Variants in CTDSPL2 observed in about 807,000 individuals in gnomAD.
CTDSPL2 encodes the protein CTD small phosphatase like 2.
A neutral mutation model predicts 60.0 loss-of-function variants in CTDSPL2; 5 were observed. That is an observed-to-expected ratio of 0.08 (90% confidence interval 0.04 to 0.18). CTDSPL2 has a LOEUF of 0.18. Ranked by LOEUF, CTDSPL2 falls within the 10% of genes least tolerant of loss-of-function variation. The probability of loss-of-function intolerance (pLI) is 1.00; values close to 1 mark genes in which losing one functional copy is unlikely to be tolerated. For missense variants in CTDSPL2, 370 were observed against 548.8 expected (o/e 0.67, Z 3.26); for synonymous variants, 186 against 189.3 (o/e 0.98, Z 0.14).
At position 44,486,646 on chromosome 15, in the gene CTDSPL2, T is replaced by C. The variant is rs2081123545; in HGVS notation, c.421T>C (p.Leu141=). ...SSGSPPRTTL[L]GTIFSPVFNF... ...TGGCAGTCCTCCAAGGACTACTTTG[T>C]TGGGGACCATATTTTCACCTGTCTT... Residue 141 remains leucine, a synonymous_variant, in exon 4 of 13, where the codon TTG becomes CTG. Coordinates refer to ENST00000260327, the MANE Select transcript of CTDSPL2 (RefSeq NM_016396.3). 6.3e-7 allele frequency: 1 copy of C among 1,597,474 alleles called. No individual in the cohort carries two copies. Among genetic ancestry groups the C allele is most frequent in the Middle Eastern group, 1.6e-4 (1 of 6,062 alleles).
At chr15:44,458,508 AATTC>A (rs1259353973) in intron 1 of CTDSPL2, among the ~76,000 whole-genome samples, 5 of 152,184 alleles carry the variant, frequency 3.3e-5, no homozygotes, top group African/African-American at 4.8e-5. Flanking sequence ...GTGCTCATGG[AATTC>A]ATTCATTCAT....
chr15:44,461,573 CTTTT>C (rs35540014), intron 2 of CTDSPL2, among the ~76,000 whole-genome samples: 17 of 125,660 alleles, frequency 1.4e-4, no homozygotes, highest in South Asian at 5.2e-4. Context: ...GTTTCTCTCC[CTTTT>C]TTTTTTTTTT....
At chr15:44,503,758 C>G (rs2081415264) in intron 8 of CTDSPL2, 1 of 152,220 alleles carries the variant, frequency 6.6e-6, no homozygotes, top group Admixed American at 6.5e-5. Flanking sequence ...ATTTTTGACT[C>G]TGTTCACCAA....
intron 1 of CTDSPL2, chr15:44,448,917 C>T: frequency 2.4e-6 from 1 of 416,874 alleles, no homozygotes. Context: ...CTTCAGTGGA[C>T]TGTTCAAAAG....
intron 7 of CTDSPL2, among the ~76,000 whole-genome samples, chr15:44,498,166 G>T (rs1010513191): frequency 6.6e-5 from 10 of 152,204 alleles, no homozygotes; most frequent in Non-Finnish European, 1.2e-4. Flanking sequence ...GTAAAGTGAA[G>T]CCCTGGGATT....
At chr15:44,484,004 A>C (rs956868522) in intron 2 of CTDSPL2, among the ~76,000 whole-genome samples, 3 of 152,234 alleles carry the variant, frequency 2.0e-5, no homozygotes, top group African/African-American at 7.2e-5. Flanking sequence ...TCTGAATTGT[A>C]GGGATGCTGT....
chr15:44,465,394 G>A (rs2080665092), intron 2 of CTDSPL2, among the ~76,000 whole-genome samples: 1 of 152,002 alleles, frequency 6.6e-6, no homozygotes. Context: ...TACAGTTAAG[G>A]ATCATAAATT....
chr15:44,497,532 A>AT (rs1737991219), intron 7 of CTDSPL2, among the ~76,000 whole-genome samples: 2 of 151,892 alleles, frequency 1.3e-5, no homozygotes, highest in Admixed American at 1.3e-4. Flanking sequence ...TGCCCGGCTA[A>AT]TTTTTTGTTG....
At chr15:44,474,821 A>G (rs892931649) in intron 2 of CTDSPL2, among the ~76,000 whole-genome samples, 1 of 152,110 alleles carries the variant, frequency 6.6e-6, no homozygotes, top group South Asian at 2.1e-4. Flanking sequence ...ACTCCATTGC[A>G]CTCTAGCCTG....
chr15:44,476,809 G>GTGA (rs1445573646), intron 2 of CTDSPL2, among the ~76,000 whole-genome samples: 1 of 152,150 alleles, frequency 6.6e-6, no homozygotes, highest in Non-Finnish European at 1.5e-5. Flanking sequence ...CAGTTGTTAT[G>GTGA]TGATGCATTA....
intron 1 of CTDSPL2, among the ~76,000 whole-genome samples, chr15:44,437,471 G>A (rs1471641701): frequency 6.6e-6 from 1 of 152,126 alleles, no homozygotes; most frequent in Admixed American, 6.5e-5. Context: ...AAAATTGCTT[G>A]GTATCATGGA....
At chr15:44,521,795 G>C (rs1007869334) in intron 12 of CTDSPL2, among the ~76,000 whole-genome samples, 1 of 150,922 alleles carries the variant, frequency 6.6e-6, no homozygotes, top group Non-Finnish European at 1.5e-5. Context: ...AAAATTAGCC[G>C]GGCGTGGTAG....
Position 44,496,600 on chromosome 15 carries a change from G to A in CTDSPL2, c.770+142G>A, listed in dbSNP as rs530191431. 2.2e-5 allele frequency: 14 copies of A among 650,716 alleles called. 1 individual carries two copies. Among genetic ancestry groups the A allele is most frequent in the South Asian group, 7.6e-5 (4 of 52,364 alleles). The allele number at this position is 650,716 out of a possible 1,614,324, so 40.3% of individuals were successfully genotyped here. ...GAAACTTTTAATGGGGCTGGGTGCA[G>A]TGGCTCATCCCAGCACTTTGAGAGA... On this transcript the variant is annotated intron_variant, in intron 6 of 12. Transcript: ENST00000260327.
chr15:44,523,870 G>A (rs112914831), intron 12 of CTDSPL2, among the ~76,000 whole-genome samples: 44 of 152,262 alleles, frequency 2.9e-4, no homozygotes, highest in African/African-American at 9.9e-4. Flanking sequence ...TTGCACTCCA[G>A]CCTGAGCAAC....
At chr15:44,478,793 C>T (rs562968898) in intron 2 of CTDSPL2, among the ~76,000 whole-genome samples, 2 of 152,060 alleles carry the variant, frequency 1.3e-5, no homozygotes, top group East Asian at 1.9e-4. Flanking sequence ...ACCAGCCTGA[C>T]CAACATGGTG....
chr15:44,479,237 G>A lies in CTDSPL2; in HGVS notation c.187-4987G>A, dbSNP rs573949626. Among the ~76,000 whole-genome samples, 4 of 151,840 alleles carry A rather than the reference G, an allele frequency of 2.6e-5. No individual in the cohort carries two copies. In the South Asian group the frequency reaches 6.2e-4, roughly 24 times the overall value. ...CCCTGGCTCTCAAAAGAACAAAATTGTTCATTTTACCCTCTTTCTTATAAG... is the reference window on the plus strand; with the variant it reads ...CCCTGGCTCTCAAAAGAACAAAATTATTCATTTTACCCTCTTTCTTATAAG... On this transcript the variant is annotated intron_variant, in intron 2 of 12. Transcript: ENST00000260327.
chr15:44,509,034 CTA>C (rs1350035988), intron 8 of CTDSPL2, among the ~76,000 whole-genome samples: 1 of 151,992 alleles, frequency 6.6e-6, no homozygotes, highest in South Asian at 2.1e-4. Context: ...TTAAAATTAT[CTA>C]TGATATTAGA....
Position 44,496,609 on chromosome 15 carries a change from C to T in CTDSPL2, c.770+151C>T. On this transcript the variant is annotated intron_variant, in intron 6 of 12. Transcript: ENST00000260327. The stretch of plus-strand genomic sequence containing the variant: ...AATGGGGCTGGGTGCAGTGGCTCAT[C>T]CCAGCACTTTGAGAGACCCAGGCAG... The T allele has an allele frequency of 4.8e-6, 3 of 626,568 alleles. No homozygotes were observed. The Admixed American group carries it at 9.0e-5, about 19-fold the overall frequency. The allele number at this position is 626,568 out of a possible 1,614,324, so 38.8% of individuals were successfully genotyped here.
chr15:44,458,737 T>G (rs2080500103), intron 1 of CTDSPL2, among the ~76,000 whole-genome samples: 1 of 152,194 alleles, frequency 6.6e-6, no homozygotes, highest in African/African-American at 2.4e-5. Flanking sequence ...GGTGTTACCC[T>G]TACTTTAGAT....
Sources: allele counts gnomAD v4.1 joint callset (sites outside exome capture counted in the v4.1 genomes callset), GRCh38; gene constraint gnomAD v4.1.1; transcripts MANE v1.5; gene names NCBI Gene and HGNC (gene_info 2026-07-23, HGNC 2026-07-21).